LYG2: variants seen among roughly 807,000 people sequenced by gnomAD.
LYG2 encodes the protein lysozyme g2, also known as lysozyme g-like protein 2.
Under a neutral mutation model 22.4 loss-of-function variants are expected in LYG2, and 25 were observed. The ratio of observed to expected loss-of-function variants is 1.12; its 90% confidence interval spans 0.81 to 1.56. LYG2 has a LOEUF of 1.56. LYG2 is among the 40% of genes most tolerant of loss of function. LYG2 has a pLI of 0.00. For missense variants in LYG2, 266 were observed against 269.5 expected (o/e 0.99, Z 0.09); for synonymous variants, 88 against 97.0 (o/e 0.91, Z 0.55).
intron 6 of LYG2, chr2:99,243,545 T>G: frequency 1.7e-6 from 2 of 1,185,136 alleles, no homozygotes; most frequent in Non-Finnish European, 2.4e-6. Flanking sequence ...TAGATAAATT[T>G]TTTTTTGAGA....
In LYG2 at chr2:99,244,163, G is replaced by C. The variant is rs1269648580; in HGVS notation, c.382-26C>G. The C allele has an allele frequency of 4.4e-6, 7 of 1,606,792 alleles. No homozygotes were observed. The African/African-American group carries it at 6.7e-5, about 15-fold the overall frequency. ...CTAGAAAATTCAGATAATAAAGTCAGCATCTGGATGAGGTAACACATTTTT... is the reference window on the plus strand; with the variant it reads ...CTAGAAAATTCAGATAATAAAGTCACCATCTGGATGAGGTAACACATTTTT... On this transcript the variant is annotated intron_variant, in intron 5 of 6. Transcript: ENST00000333017.
chr2:99,248,736 T>TAATAA (rs577846030), intron 3 of LYG2, among the ~76,000 whole-genome samples: 62 of 148,828 alleles, frequency 4.2e-4, no homozygotes, highest in East Asian at 2.2e-3. Flanking sequence ...AGTATAATAA[T>TAATAA]AATAAAATAA....
At chr2:99,252,465 T>C (rs1375319609) in intron 3 of LYG2, among the ~76,000 whole-genome samples, 1 of 152,120 alleles carries the variant, frequency 6.6e-6, no homozygotes, top group Non-Finnish European at 1.5e-5. Flanking sequence ...CACTAGAAGA[T>C]AAATTTCATT....
upstream of LYG2, among the ~76,000 whole-genome samples, chr2:99,256,379 C>T (rs1452433093): frequency 1.3e-5 from 2 of 152,062 alleles, no homozygotes; most frequent in Admixed American, 1.3e-4. Flanking sequence ...TGCTCCACCA[C>T]CATCAACACT....
Position 99,246,780 on chromosome 2 carries a change from C to A in LYG2, c.84G>T (p.Lys28Asn), listed in dbSNP as rs780297097. ...GGTACAGGCGTGGATGTAGGTGAGG[C>A]TTCATTGAGTGACTGAAGGGGTATG... is the stretch of plus-strand genomic sequence containing the variant. ...RGSYPFSHSMKPHLHPRLYHG... is the reference protein window; with the variant it reads ...RGSYPFSHSMNPHLHPRLYHG... Residue 28 changes from lysine to asparagine, a missense_variant, in exon 4 of 7, where the codon AAG becomes AAT. Physicochemically the swap from Lys to Asn is moderately conservative, Grantham distance 94 (BLOSUM62 0). Coordinates refer to ENST00000333017, the MANE Select transcript of LYG2 (RefSeq NM_175735.4). 1 of 1,614,078 alleles carries A rather than the reference C, an allele frequency of 6.2e-7. No homozygotes were observed. The highest frequency in any genetic ancestry group is 8.5e-7 in the Non-Finnish European group (1 of 1,179,988).
At chr2:99,251,411 C>CTTAA (rs2094026302) in intron 3 of LYG2, among the ~76,000 whole-genome samples, 1 of 152,090 alleles carries the variant, frequency 6.6e-6, no homozygotes, top group Non-Finnish European at 1.5e-5. Flanking sequence ...TTTACTGTCT[C>CTTAA]ATTGTTGGTT....
chr2:99,244,325 A>G (rs796455297), intron 5 of LYG2, among the ~76,000 whole-genome samples, 188 bp from the exon 6 acceptor site: 13 of 152,340 alleles, frequency 8.5e-5, no homozygotes, highest in African/African-American at 3.1e-4. Context: ...AGAAATGGAC[A>G]TGGTATAGTT....
chr2:99,256,881 ATAT>A (rs796479119), upstream of LYG2, among the ~76,000 whole-genome samples: 3 of 152,320 alleles, frequency 2.0e-5, no homozygotes, highest in African/African-American at 7.2e-5. Flanking sequence ...GTTCCTATGG[ATAT>A]TATATGACTC....
chr2:99,255,765 C>A (rs1056046649), upstream of LYG2, among the ~76,000 whole-genome samples: 1 of 152,178 alleles, frequency 6.6e-6, no homozygotes, highest in African/African-American at 2.4e-5. Context: ...AGTGTGGCCA[C>A]CTGCTCTAGG....
At chr2:99,255,996 G>C (rs1241519945), upstream of LYG2, among the ~76,000 whole-genome samples, 3 of 152,188 alleles carry the variant, frequency 2.0e-5, no homozygotes, top group Non-Finnish European at 4.4e-5. Context: ...ATTGCGCTGA[G>C]GGGAGGAAGA....
chr2:99,242,906 G>C (rs1005385786), intron 6 of LYG2, among the ~76,000 whole-genome samples: 1 of 152,164 alleles, frequency 6.6e-6, no homozygotes, highest in African/African-American at 2.4e-5. Flanking sequence ...TGACTGCAAG[G>C]TACCCAAGAC....
chr2:99,243,956 C>G, intron 6 of LYG2, 43 bp downstream of exon 6: 1 of 1,612,364 alleles, frequency 6.2e-7, no homozygotes. Context: ...TCAGTGGTCT[C>G]ATTCATTGCT....
intron 3 of LYG2, 100 bp downstream of exon 3, chr2:99,254,118 C>G: frequency 9.5e-7 from 1 of 1,047,508 alleles, no homozygotes; most frequent in Non-Finnish European, 1.5e-6. Flanking sequence ...AGAGCCCACT[C>G]TTCCATTACA....
chr2:99,254,362 T>A, intron 2 of LYG2, 77 bp from the exon 3 acceptor site: 1 of 1,176,396 alleles, frequency 8.5e-7, no homozygotes, highest in Non-Finnish European at 1.2e-6. Context: ...TTTGATATTT[T>A]AAAAAGTTTA....
intron 5 of LYG2, 151 bp downstream of exon 5, chr2:99,245,111 C>CAA (rs5832869): frequency 2.9e-3 from 1,796 of 611,768 alleles, no homozygotes; most frequent in Middle Eastern, 4.3e-3. Flanking sequence ...AACTCCATCT[C>CAA]AAAAAAAAAA....
At chr2:99,248,272 C>T (rs1268603423) in intron 3 of LYG2, among the ~76,000 whole-genome samples, 1 of 152,136 alleles carries the variant, frequency 6.6e-6, no homozygotes, top group Non-Finnish European at 1.5e-5. Flanking sequence ...GCTATAAAGA[C>T]ACATGCACAC....
Position 99,242,453 on chromosome 2 carries a change from C to G in LYG2, c.550G>C (p.Glu184Gln). The change falls in exon 7 of 7, where the codon GAA becomes CAA. Residue 184 changes from glutamate (E) to glutamine (Q), a missense_variant. By Grantham distance (29) the Glu-to-Gln change is conservative. Coordinates refer to ENST00000333017, the MANE Select transcript of LYG2 (RefSeq NM_175735.4). ...GGLSAFKSGI[E>Q]AIATPSDIDN... The stretch of plus-strand genomic sequence containing the variant: ...ATGTCCGATGGGGTGGCAATCGCTT[C>G]AATTCCTGACTTAAAAGCTGAGAGA... 4 of 1,612,546 alleles carry G rather than the reference C, an allele frequency of 2.5e-6. No individual in the cohort carries two copies. The highest frequency in any genetic ancestry group is 3.4e-6 in the Non-Finnish European group (4 of 1,179,122).
Position 99,249,208 on chromosome 2 carries a change from C to T in LYG2, c.44-2388G>A, listed in dbSNP as rs146232940. ...GGCTGAGGCAGGACGATTGCTTGAG[C>T]GTAGGAGTTTGAGACCAGCCTATGC... On this transcript the variant is annotated intron_variant, in intron 3 of 6. Coordinates refer to ENST00000333017, the MANE Select transcript of LYG2 (RefSeq NM_175735.4). Among the ~76,000 whole-genome samples, 742 of 152,020 alleles carry T rather than the reference C, an allele frequency of 4.9e-3. 9 individuals carry two copies. The highest frequency in any genetic ancestry group is 0.017 in the African/African-American group (695 of 41,468).
At chr2:99,244,176 G>T in intron 5 of LYG2, 39 bp from the exon 6 acceptor site, 1 of 1,590,220 alleles carries the variant, frequency 6.3e-7, no homozygotes, top group South Asian at 1.1e-5. Context: ...TCTGGATGAG[G>T]TAACACATTT....
Sources: allele counts gnomAD v4.1 joint callset (sites outside exome capture counted in the v4.1 genomes callset), GRCh38; gene constraint gnomAD v4.1.1; transcripts MANE v1.5; gene names NCBI Gene and HGNC (gene_info 2026-07-23, HGNC 2026-07-21).